FAM118A: variants seen among roughly 807,000 people sequenced by gnomAD.
FAM118A encodes protein FAM118A.
A neutral mutation model predicts 38.2 loss-of-function variants in FAM118A; 25 were observed. The ratio of observed to expected loss-of-function variants is 0.65; its 90% confidence interval spans 0.48 to 0.91. The LOEUF (loss-of-function observed/expected upper bound fraction) is 0.91. Ranked by LOEUF, FAM118A falls within the 40% of genes least tolerant of loss-of-function variation. FAM118A has a pLI of 0.00. For missense variants in FAM118A, 425 were observed against 463.3 expected (o/e 0.92, Z 0.76); for synonymous variants, 178 against 184.1 (o/e 0.97, Z 0.27).
intron 3 of FAM118A, among the ~76,000 whole-genome samples, chr22:45,327,314 C>T (rs2146665164): frequency 6.6e-6 from 1 of 152,174 alleles, no homozygotes; most frequent in African/African-American, 2.4e-5. Flanking sequence ...TGTTTCATTA[C>T]CACCGAGAAA....
intron 3 of FAM118A, among the ~76,000 whole-genome samples, chr22:45,324,574 A>G (rs1211052036): frequency 6.6e-6 from 1 of 152,186 alleles, no homozygotes; most frequent in Non-Finnish European, 1.5e-5. Context: ...TTAATAAGGA[A>G]CACCTTTCAT....
In FAM118A at chr22:45,333,302, G is replaced by A. The variant is rs183331868; in HGVS notation, c.937+592G>A. On this transcript the variant is annotated intron_variant, in intron 6 of 8. Coordinates refer to ENST00000441876, the MANE Select transcript of FAM118A (RefSeq NM_017911.4). Reference sequence around the variant, plus strand: ...GTTTTTTGGGAGGCCAAGGCAGGAGGATTGCTTGAGCCCAGGAGTTTAAGA... The same window carrying A: ...GTTTTTTGGGAGGCCAAGGCAGGAGAATTGCTTGAGCCCAGGAGTTTAAGA... 9.6e-3 allele frequency among the ~76,000 whole-genome samples: 1,465 copies of A among 152,242 alleles called. 18 individuals are homozygous for A. Among genetic ancestry groups the A allele is most frequent in the African/African-American group, 0.033 (1,379 of 41,536 alleles).
At chr22:45,315,024 T>C (rs769866481) in intron 1 of FAM118A, among the ~76,000 whole-genome samples, 10 of 152,232 alleles carry the variant, frequency 6.6e-5, no homozygotes, top group Non-Finnish European at 1.2e-4. Flanking sequence ...TTAACTGAGA[T>C]AGTGCGTGTA....
upstream of FAM118A, chr22:45,309,755 C>CGGTGGGCGGGACCGTGGTCACCGA (rs2084281502): frequency 2.6e-5 from 4 of 151,640 alleles, no homozygotes. Context: ...GTGGCCTCCC[C>CGGTGGGCGGGACCGTGGTCACCGA]GGTGGGCGGG....
At chr22:45,327,554 C>G (rs1324071938) in intron 3 of FAM118A, among the ~76,000 whole-genome samples, 1 of 152,152 alleles carries the variant, frequency 6.6e-6, no homozygotes, top group East Asian at 1.9e-4. Context: ...GGCCCCTGTT[C>G]AGATGCCCTC....
chr22:45,317,124 C>G (rs1286837454), intron 1 of FAM118A, among the ~76,000 whole-genome samples: 1 of 152,214 alleles, frequency 6.6e-6, no homozygotes, highest in Non-Finnish European at 1.5e-5. Context: ...CACCTGTAAT[C>G]CCAGCACTTT....
At chr22:45,330,798 C>T (rs1601959309) in intron 5 of FAM118A, 67 bp downstream of exon 5, 1 of 1,430,254 alleles carries the variant, frequency 7.0e-7, no homozygotes, top group African/African-American at 1.4e-5. Context: ...TGGCCATTGG[C>T]TGCAGTTGAG....
intron 4 of FAM118A, chr22:45,330,378 C>T (rs970713403): frequency 3.3e-6 from 1 of 307,318 alleles, no homozygotes; most frequent in Non-Finnish European, 5.8e-6. Flanking sequence ...AGCCGATCCT[C>T]TCTCAGGTTT....
chr22:45,327,899 G>A lies in FAM118A; in HGVS notation c.358G>A (p.Asp120Asn), dbSNP rs761373416. 4.3e-6 allele frequency: 7 copies of A among 1,614,088 alleles called. No individual in the cohort carries two copies. Among genetic ancestry groups the A allele is most frequent in the East Asian group, 2.2e-5 (1 of 44,906 alleles). Reference protein sequence around the residue: ...FQDCLMEVFDDLEQHIRSPVV... With the variant: ...FQDCLMEVFDNLEQHIRSPVV... ...GGACTGCCTGATGGAGGTGTTTGAC[G>A]ACCTGGAGCAGCACATCCGGAGTCC... The change falls in exon 4 of 9, where the codon GAC becomes AAC. Residue 120 changes from aspartate (D) to asparagine (N), a missense_variant. Physicochemically the swap from Asp to Asn is conservative, Grantham distance 23. Coordinates refer to ENST00000441876, the MANE Select transcript of FAM118A (RefSeq NM_017911.4).
intron 2 of FAM118A, among the ~76,000 whole-genome samples, chr22:45,322,751 A>G (rs143108501): frequency 1.1e-3 from 164 of 152,348 alleles, no homozygotes; most frequent in Middle Eastern, 6.8e-3. Flanking sequence ...GAAGCGCGAT[A>G]AAGAGGTACT....
rs1178650779 is a variant in FAM118A, at chr22:45,323,075, G to GTGTA, written c.48-99_48-98insGTAT. ...TGTGTGTGTGTGTGTGTGTGTGTGT[G>GTGTA]TACACAGCACAAGGCCGGAACTCGC... On this transcript the variant is annotated intron_variant, in intron 2 of 8. Coordinates refer to ENST00000441876, the MANE Select transcript of FAM118A (RefSeq NM_017911.4). 5 of 1,275,670 alleles carry GTGTA rather than the reference G, an allele frequency of 3.9e-6. No homozygotes were observed. The South Asian group carries it at 6.8e-5, about 17-fold the overall frequency. The allele number at this position is 1,275,670 out of a possible 1,614,324, so 79.0% of individuals were successfully genotyped here.
At chr22:45,323,707 G>A (rs1420246606) in intron 3 of FAM118A, among the ~76,000 whole-genome samples, 1 of 152,216 alleles carries the variant, frequency 6.6e-6, no homozygotes, top group African/African-American at 2.4e-5. Flanking sequence ...CACTCAGTAT[G>A]AACTTTGTGA....
chr22:45,321,708 T>A (rs2084889569), intron 1 of FAM118A: 1 of 155,102 alleles, frequency 6.4e-6, no homozygotes, highest in Non-Finnish European at 1.4e-5. Flanking sequence ...CCACCATGCC[T>A]GGTCTGATTT....
intron 4 of FAM118A, chr22:45,328,454 T>C: frequency 2.2e-6 from 2 of 914,644 alleles, no homozygotes; most frequent in Non-Finnish European, 3.8e-6. Context: ...GGAGCTGCTC[T>C]CACTTTGTAG....
intron 5 of FAM118A, among the ~76,000 whole-genome samples, chr22:45,332,162 G>C (rs1449268690): frequency 6.6e-6 from 1 of 152,136 alleles, no homozygotes; most frequent in African/African-American, 2.4e-5. Flanking sequence ...CACCCGCCTC[G>C]GCCAAAGACC....
chr22:45,314,819 A>C (rs2084534562), intron 1 of FAM118A, among the ~76,000 whole-genome samples: 1 of 152,222 alleles, frequency 6.6e-6, no homozygotes, highest in South Asian at 2.1e-4. Context: ...AAAATGCTGA[A>C]TGCTTTAGTG....
At chr22:45,326,106 T>G (rs2085247328) in intron 3 of FAM118A, among the ~76,000 whole-genome samples, 1 of 152,048 alleles carries the variant, frequency 6.6e-6, no homozygotes, top group African/African-American at 2.4e-5. Context: ...GATACCCAGG[T>G]GCCGAGGCAG....
chr22:45,314,109 A>G (rs1018915844), intron 1 of FAM118A, among the ~76,000 whole-genome samples: 1 of 152,078 alleles, frequency 6.6e-6, no homozygotes, highest in Non-Finnish European at 1.5e-5. Flanking sequence ...GCTGTATCCT[A>G]CCTCCTTCCC....
At chr22:45,335,509 C>A in intron 7 of FAM118A, 127 bp downstream of exon 7, 1 of 1,060,748 alleles carries the variant, frequency 9.4e-7, no homozygotes, top group Non-Finnish European at 1.4e-6. Context: ...TAAAACAGCC[C>A]CACTGAAGAT....
Sources: allele counts gnomAD v4.1 joint callset (sites outside exome capture counted in the v4.1 genomes callset), GRCh38; gene constraint gnomAD v4.1.1; transcripts MANE v1.5; gene names NCBI Gene and HGNC (gene_info 2026-07-23, HGNC 2026-07-21).